SCN2A: variants seen among roughly 807,000 people sequenced by gnomAD.
SCN2A encodes the protein sodium channel protein type 2 subunit alpha.
SCN2A carries 20 observed loss-of-function variants against 188.7 expected under a neutral mutation model. The observed-to-expected ratio is 0.11, with a 90% CI of 0.07 to 0.15. The LOEUF (loss-of-function observed/expected upper bound fraction) is 0.15. Among genes scored for constraint, SCN2A ranks in the 10% least tolerant of loss-of-function variants. SCN2A has a pLI of 1.00. For missense variants in SCN2A, 1,278 were observed against 2,445.0 expected (o/e 0.52, Z 10.07); for synonymous variants, 804 against 833.1 (o/e 0.97, Z 0.60).
In SCN2A at chr2:165,313,915, C is replaced by T; in HGVS notation, c.1190C>T (p.Ala397Val). The T allele has an allele frequency of 6.2e-7, 1 of 1,613,796 alleles. No individual in the cohort carries two copies. Among genetic ancestry groups the T allele is most frequent in the Non-Finnish European group, 8.5e-7 (1 of 1,179,776 alleles). Residue 397 changes from alanine to valine, a missense_variant, in exon 10 of 27, where the codon GCT (alanine) becomes GTT (valine). Physicochemically the swap from Ala to Val is moderately conservative, Grantham distance 64. Transcript: ENST00000375437. Reference protein sequence around the residue: ...ENLYQLTLRAAGKTYMIFFVL... With the variant: ...ENLYQLTLRAVGKTYMIFFVL... ...TCCATTTTGCAGACACTACGTGCTG[C>T]TGGGAAAACGTACATGATATTTTTT...
At chr2:165,314,131 C>T in intron 10 of SCN2A, 23 bp downstream of exon 10, 8 of 1,606,122 alleles carry the variant, frequency 5.0e-6, no homozygotes, top group Non-Finnish European at 6.8e-6. Context: ...AGCATACGGT[C>T]CTTTGTTTTT....
Position 165,283,997 on chromosome 2 carries a change from A to G in SCN2A, c.-51-11776A>G, listed in dbSNP as rs116774806. Among the ~76,000 whole-genome samples the G allele has an allele frequency of 5.0e-3, 755 of 152,156 alleles. 7 individuals carry two copies. Among genetic ancestry groups the G allele is most frequent in the African/African-American group, 0.017 (716 of 41,508 alleles). Reference sequence around the variant, plus strand: ...TTTAGGTAGTGTTGACATTACATGAAGAAATGAACCCATGGTCTCCTATGC... The same window carrying G: ...TTTAGGTAGTGTTGACATTACATGAGGAAATGAACCCATGGTCTCCTATGC... On this transcript the variant is annotated intron_variant, in intron 1 of 26. Coordinates refer to ENST00000375437, the MANE Select transcript of SCN2A (RefSeq NM_001040142.2).
chr2:165,240,440 G>T (rs1693564123), intron 1 of SCN2A, among the ~76,000 whole-genome samples: 1 of 152,142 alleles, frequency 6.6e-6, no homozygotes, highest in Admixed American at 6.6e-5. Context: ...GGTGGAAGTT[G>T]CATGCAACAG....
chr2:165,343,418 C>G (rs1699414862), intron 15 of SCN2A, among the ~76,000 whole-genome samples: 1 of 152,050 alleles, frequency 6.6e-6, no homozygotes, highest in Admixed American at 6.6e-5. Flanking sequence ...AATGATAAAA[C>G]AAGTAATATG....
At chr2:165,243,886 T>C (rs927460918) in intron 1 of SCN2A, 1 of 152,192 alleles carries the variant, frequency 6.6e-6, no homozygotes, top group African/African-American at 2.4e-5. Context: ...ATAGTGGCCA[T>C]TGAAATATTA....
At chr2:165,345,413 A>G (rs532505902) in intron 16 of SCN2A, among the ~76,000 whole-genome samples, 6 of 152,252 alleles carry the variant, frequency 3.9e-5, no homozygotes, top group African/African-American at 1.2e-4. Context: ...CTAACACCAT[A>G]TATATTTAGG....
chr2:165,377,499 A>G (rs1012612500), intron 22 of SCN2A, 98 bp from the exon 23 acceptor site: 18 of 1,066,816 alleles, frequency 1.7e-5, no homozygotes, highest in Admixed American at 1.6e-4. Flanking sequence ...ATATGCCTGT[A>G]TTGAATACAT....
chr2:165,274,950 C>T (rs1425998584), intron 1 of SCN2A, among the ~76,000 whole-genome samples: 4 of 152,212 alleles, frequency 2.6e-5, no homozygotes, highest in East Asian at 3.9e-4. Flanking sequence ...GTTGCTTCTC[C>T]GGGTCTGGCT....
intron 20 of SCN2A, chr2:165,370,994 A>G (rs902901846): frequency 6.6e-6 from 1 of 152,476 alleles, no homozygotes; most frequent in South Asian, 2.1e-4. Context: ...TTAGAACTAC[A>G]TAAGTGTGGA....
At chr2:165,365,933 T>C (rs1282033437) in intron 18 of SCN2A, among the ~76,000 whole-genome samples, 2 of 152,186 alleles carry the variant, frequency 1.3e-5, no homozygotes, top group Non-Finnish European at 2.9e-5. Flanking sequence ...GTAATAGCAA[T>C]GCTGTGTATC....
chr2:165,334,653 C>A (rs1698888692), intron 14 of SCN2A, among the ~76,000 whole-genome samples: 1 of 151,816 alleles, frequency 6.6e-6, no homozygotes, highest in East Asian at 1.9e-4. Context: ...AGACCCCACA[C>A]CTATCATCAT....
intron 1 of SCN2A, among the ~76,000 whole-genome samples, chr2:165,241,441 A>G (rs1693618313): frequency 1.3e-5 from 2 of 152,190 alleles, no homozygotes; most frequent in African/African-American, 4.8e-5. Context: ...TCTATTGACA[A>G]CTATAAGAAT....
At chr2:165,266,546 C>T (rs1467312400) in intron 1 of SCN2A, 1 of 152,094 alleles carries the variant, frequency 6.6e-6, no homozygotes, top group Non-Finnish European at 1.5e-5. Flanking sequence ...GCTTCTGCAA[C>T]TCCTTCTCGA....
chr2:165,377,512 C>A, intron 22 of SCN2A, 85 bp from the exon 23 acceptor site: 2 of 1,211,168 alleles, frequency 1.7e-6, no homozygotes, highest in South Asian at 1.3e-5. Flanking sequence ...GAATACATGT[C>A]AAATAGAATT....
In SCN2A at chr2:165,374,821, C is replaced by A; in HGVS notation, c.4109C>A (p.Thr1370Asn). The A allele has an allele frequency of 6.2e-7, 1 of 1,613,546 alleles. No individual in the cohort carries two copies. The highest frequency in any genetic ancestry group is 8.5e-7 in the Non-Finnish European group (1 of 1,179,676). ...AGKFYHCINY[T>N]TGEMFDVSVV... The stretch of plus-strand genomic sequence containing the variant: ...AAGTTTTACCATTGTATTAATTACA[C>A]CACTGGAGAGATGTTTGATGTAAGC... Residue 1370 changes from threonine to asparagine, a missense_variant, in exon 22 of 27, where the codon ACC becomes AAC. Coordinates refer to ENST00000375437, the MANE Select transcript of SCN2A (RefSeq NM_001040142.2).
intron 1 of SCN2A, among the ~76,000 whole-genome samples, chr2:165,291,491 T>TTTTCTTTCTTTC (rs373832509): frequency 2.6e-5 from 1 of 38,834 alleles, no homozygotes; most frequent in African/African-American, 9.1e-5. Flanking sequence ...TCTTTCTTTC[T>TTTTCTTTCTTTC]TTTCTTTCTT....
At chr2:165,323,670 C>T (rs1698185493) in intron 12 of SCN2A, among the ~76,000 whole-genome samples, 170 bp downstream of exon 12, 1 of 152,076 alleles carries the variant, frequency 6.6e-6, no homozygotes, top group Non-Finnish European at 1.5e-5. Flanking sequence ...TCAGACTTTT[C>T]TACAAAGTAA....
chr2:165,266,301 T>C (rs1276143677), intron 1 of SCN2A: 1 of 152,100 alleles, frequency 6.6e-6, no homozygotes, highest in African/African-American at 2.4e-5. Context: ...GGTTTATTCC[T>C]GGAAATGATT....
rs1698670240 is a variant in SCN2A, at chr2:165,331,488, G to T, written c.2308G>T (p.Val770Phe). 6.2e-7 allele frequency: 1 copy of T among 1,613,786 alleles called. No homozygotes were observed. The highest frequency in any genetic ancestry group is 8.5e-7 in the Non-Finnish European group (1 of 1,179,768). ...FVDLAITICI[V>F]LNTLFMAMEH... is the part of the protein sequence containing the mutation. ...TGACCTGGCCATCACCATCTGCATTGTCTTAAATACACTCTTCATGGCTAT... is the reference window on the plus strand; with the variant it reads ...TGACCTGGCCATCACCATCTGCATTTTCTTAAATACACTCTTCATGGCTAT... Residue 770 changes from valine (V) to phenylalanine (F), a missense_variant, in exon 14 of 27, where the codon GTC becomes TTC. Physicochemically the swap from Val to Phe is conservative, Grantham distance 50. This residue lies in a region of SCN2A where 83 missense variants were observed against 256.8 expected (regional missense o/e 0.32). Coordinates refer to ENST00000375437, the MANE Select transcript of SCN2A (RefSeq NM_001040142.2).
Sources: allele counts gnomAD v4.1 joint callset (sites outside exome capture counted in the v4.1 genomes callset), GRCh38; gene constraint gnomAD v4.1.1; regional missense constraint gnomAD v4.1.1; transcripts MANE v1.5; gene names NCBI Gene and HGNC (gene_info 2026-07-23, HGNC 2026-07-21).